The following MTMR7 variants were observed in gnomAD, a reference collection of about 807,000 sequenced individuals.
MTMR7 encodes the protein phosphatidylinositol-3-phosphate phosphatase MTMR7.
MTMR7 carries 76 observed loss-of-function variants against 81.2 expected under a neutral mutation model. The ratio of observed to expected loss-of-function variants is 0.94; its 90% CI spans 0.78 to 1.13. The LOEUF is 1.13. MTMR7 is among the 50% of genes most tolerant of loss of function. The pLI is 0.00. For missense variants in MTMR7, 1,044 were observed against 820.0 expected (o/e 1.27, Z -3.34); for synonymous variants, 372 against 289.8 (o/e 1.28, Z -2.88).
intron 7 of MTMR7, among the ~76,000 whole-genome samples, chr8:17,328,701 C>A (rs1456553442): frequency 1.3e-5 from 2 of 151,964 alleles, no homozygotes; most frequent in Non-Finnish European, 2.9e-5. Flanking sequence ...TGCACATACC[C>A]CAGAACTTAA....
chr8:17,366,097 A>G (rs1295646518), intron 3 of MTMR7, among the ~76,000 whole-genome samples: 1 of 152,208 alleles, frequency 6.6e-6, no homozygotes, highest in East Asian at 1.9e-4. Context: ...CTTCCCATAG[A>G]AAATGCAAGA....
intron 3 of MTMR7, 106 bp from the exon 4 acceptor site, chr8:17,361,380 A>C: frequency 8.3e-7 from 1 of 1,197,804 alleles, no homozygotes; most frequent in Non-Finnish European, 1.2e-6. Context: ...AGGCCATCCC[A>C]ACCCCCACCC....
At chr8:17,315,741 G>T (rs1818032325) in intron 7 of MTMR7, among the ~76,000 whole-genome samples, 1 of 152,170 alleles carries the variant, frequency 6.6e-6, no homozygotes, top group Non-Finnish European at 1.5e-5. Flanking sequence ...GCTGGGCACA[G>T]TGCCTCACAC....
intron 6 of MTMR7, among the ~76,000 whole-genome samples, chr8:17,334,118 A>C (rs1819145968): frequency 6.6e-6 from 1 of 152,202 alleles, no homozygotes; most frequent in African/African-American, 2.4e-5. Flanking sequence ...CCTGAACATC[A>C]ATGTGCACTT....
Position 17,298,040 on chromosome 8 carries a change from T to C in MTMR7, c.*1822A>G, listed in dbSNP as rs1474207702. 6.6e-6 allele frequency: 1 copy of C among 152,080 alleles called. No homozygotes were observed. The highest frequency in any genetic ancestry group is 1.5e-5 in the Non-Finnish European group (1 of 67,916). 9.4% of individuals were successfully genotyped at this position (152,080 alleles called of 1,614,324 possible). On this transcript the variant is annotated 3_prime_UTR_variant, in exon 14 of 14. Transcript: ENST00000180173. ...GTTTGGCATAGATACTTTGTCATTT[T>C]TTAAAAAATGTTTATTGTTTTTATA...
At chr8:17,303,137 G>C (rs1249327119) in intron 12 of MTMR7, among the ~76,000 whole-genome samples, 1 of 152,162 alleles carries the variant, frequency 6.6e-6, no homozygotes, top group Non-Finnish European at 1.5e-5. Flanking sequence ...TTGAGGGCAA[G>C]GACTTGGTGT....
intron 6 of MTMR7, among the ~76,000 whole-genome samples, chr8:17,337,641 G>A (rs543056545): frequency 6.6e-6 from 1 of 152,174 alleles, no homozygotes; most frequent in African/African-American, 2.4e-5. Flanking sequence ...TTCGAGACAG[G>A]GTCTCACTCT....
At chr8:17,377,854 A>G (rs1820635545) in intron 1 of MTMR7, among the ~76,000 whole-genome samples, 1 of 152,278 alleles carries the variant, frequency 6.6e-6, no homozygotes, top group Non-Finnish European at 1.5e-5. Context: ...TTTGTCATTA[A>G]ACATTCTATT....
intron 12 of MTMR7, 111 bp from the exon 13 acceptor site, chr8:17,302,391 C>G (rs1439022412): frequency 2.4e-6 from 3 of 1,244,096 alleles, no homozygotes; most frequent in African/African-American, 3.1e-5. Context: ...TAACCAAATG[C>G]AAATTTCAGC....
chr8:17,315,260 T>C (rs890543376), intron 7 of MTMR7, among the ~76,000 whole-genome samples: 2 of 152,180 alleles, frequency 1.3e-5, no homozygotes, highest in Non-Finnish European at 2.9e-5. Context: ...ACATATTATA[T>C]GATGTCAACT....
intron 1 of MTMR7, among the ~76,000 whole-genome samples, chr8:17,375,525 G>A (rs555983367): frequency 6.8e-6 from 1 of 147,154 alleles, no homozygotes; most frequent in East Asian, 2.0e-4. Context: ...CTGATATGCT[G>A]CACATTCTTT....
intron 7 of MTMR7, among the ~76,000 whole-genome samples, chr8:17,321,310 C>T (rs937561234): frequency 6.6e-6 from 1 of 152,196 alleles, no homozygotes; most frequent in Non-Finnish European, 1.5e-5. Context: ...AATGTCCCCA[C>T]GCTTCTCTGT....
At position 17,299,830 on chromosome 8, in the gene MTMR7, T is replaced by G. The variant is rs1403572865; in HGVS notation, c.*32A>C. ...CTTGTTTTTGGAAGTGTTGCTTATG[T>G]GTCCTTTACTTTGGAACTCCAAAGG... On this transcript the variant is annotated 3_prime_UTR_variant, in exon 14 of 14. Transcript: ENST00000180173. 2.5e-6 allele frequency: 4 copies of G among 1,608,198 alleles called. No individual in the cohort carries two copies. The highest frequency in any genetic ancestry group is 3.4e-6 in the Non-Finnish European group (4 of 1,176,242).
At chr8:17,352,740 C>G (rs1179648884) in intron 4 of MTMR7, among the ~76,000 whole-genome samples, 2 of 152,126 alleles carry the variant, frequency 1.3e-5, no homozygotes, top group Non-Finnish European at 2.9e-5. Context: ...GAGATGCTAA[C>G]TCACAATTGT....
chr8:17,359,370 G>A (rs2150555631), intron 4 of MTMR7, among the ~76,000 whole-genome samples: 2 of 152,150 alleles, frequency 1.3e-5, no homozygotes, highest in East Asian at 1.9e-4. Context: ...GGCCAAGGGA[G>A]GAGGACTGCT....
At position 17,304,371 on chromosome 8, in the gene MTMR7, T is replaced by G; in HGVS notation, c.1493+8A>C. 1 of 1,609,536 alleles carries G rather than the reference T, an allele frequency of 6.2e-7. No homozygotes were observed. The highest frequency in any genetic ancestry group is 1.7e-5 in the Admixed American group (1 of 59,922). On this transcript the variant is annotated splice_region_variant and intron_variant, in intron 12 of 13. Transcript: ENST00000180173. ...CCATGGCTACAAAGTTACCAAGGATTTACATACTTGTACATGAAGTTACAT... is the reference window on the plus strand; with the variant it reads ...CCATGGCTACAAAGTTACCAAGGATGTACATACTTGTACATGAAGTTACAT...
At chr8:17,317,177 C>A (rs1180701765) in intron 7 of MTMR7, among the ~76,000 whole-genome samples, 1 of 152,050 alleles carries the variant, frequency 6.6e-6, no homozygotes, top group Non-Finnish European at 1.5e-5. Flanking sequence ...GTTGAGCTTT[C>A]CTCAGTTTTC....
Position 17,349,005 on chromosome 8 carries a change from A to T in MTMR7, c.545T>A (p.Phe182Tyr), listed in dbSNP as rs1204506407. 1 of 1,613,280 alleles carries T rather than the reference A, an allele frequency of 6.2e-7. No individual in the cohort carries two copies. The highest frequency in any genetic ancestry group is 1.7e-5 in the Admixed American group (1 of 59,858). The stretch of plus-strand genomic sequence containing the variant: ...GACAGGAAATCGCCGTCTACTCCGG[A>T]ATTTGGAACTCCCCACTATGATGTG... ...TAHIIVGSSK[F>Y]RSRRRFPVLS... The change falls in exon 5 of 14, where the codon TTC becomes TAC. Residue 182 changes from phenylalanine (F) to tyrosine (Y), a missense_variant. By Grantham distance (22) the Phe-to-Tyr change is conservative. Transcript: ENST00000180173.
intron 10 of MTMR7, among the ~76,000 whole-genome samples, chr8:17,308,703 AAAC>A (rs796234645): frequency 4.4e-4 from 67 of 152,304 alleles, no homozygotes; most frequent in African/African-American, 1.5e-3. Context: ...GTGACTCCCA[AAAC>A]AACAGCTTTG....
Sources: gnomAD v4.1 joint callset for allele counts (sites outside exome capture counted in the v4.1 genomes callset) on GRCh38, gnomAD v4.1.1 for gene constraint, MANE v1.5 for transcripts, NCBI Gene and HGNC (gene_info 2026-07-23, HGNC 2026-07-21) for gene names.